Variants in ALLC observed in about 807,000 individuals in gnomAD.
ALLC encodes the protein probable inactive allantoicase.
ALLC carries 40 observed loss-of-function variants against 45.0 expected under a neutral mutation model. The observed-to-expected ratio is 0.89, with a 90% CI of 0.69 to 1.16. The LOEUF (loss-of-function observed/expected upper bound fraction) is 1.16, where lower values mean the gene tolerates loss of function less well. Among genes scored for constraint, ALLC ranks in the 50% most tolerant of loss-of-function variants. ALLC has a pLI of 0.00. For missense variants in ALLC, 488 were observed against 493.1 expected, an observed-to-expected ratio of 0.99 and a Z score of 0.10; for synonymous variants, 176 against 178.1, an observed-to-expected ratio of 0.99 and a Z score of 0.09.
At chr2:3,658,530 G>C (rs1666495218) in intron 1 of ALLC, among the ~76,000 whole-genome samples, 2 of 152,070 alleles carry the variant, frequency 1.3e-5, no homozygotes, top group Admixed American at 1.3e-4. Flanking sequence ...TCTGGTCACT[G>C]CTCTGTTTGG....
At chr2:3,653,929 C>G (rs949419353), upstream of ALLC, among the ~76,000 whole-genome samples, 2 of 152,170 alleles carry the variant, frequency 1.3e-5, no homozygotes, top group South Asian at 4.1e-4. The surrounding 1 kb of genome is among the most constrained non-coding windows in gnomAD (Gnocchi z 4.1). Context: ...AACGAATTAT[C>G]CCACGATTAA....
chr2:3,649,247 T>C, the ALLC span, among the ~76,000 whole-genome samples: 1 of 151,502 alleles, frequency 6.6e-6, no homozygotes, highest in Non-Finnish European at 1.5e-5. Context: ...ACACTTCTTT[T>C]TTTTTTTTTT....
chr2:3,686,696 G>A (rs1398677714), intron 7 of ALLC, among the ~76,000 whole-genome samples: 3 of 150,784 alleles, frequency 2.0e-5, no homozygotes, highest in Non-Finnish European at 4.4e-5. Flanking sequence ...TATAGTTTTT[G>A]TAGCTATTGT....
the ALLC span, among the ~76,000 whole-genome samples, chr2:3,649,530 C>T: frequency 3.8e-4 from 58 of 152,354 alleles, no homozygotes; most frequent in African/African-American, 1.2e-3. Context: ...CGTGAGCCAC[C>T]GCGCCCGGCC....
chr2:3,683,100 A>C lies in ALLC; in HGVS notation c.511+26A>C, dbSNP rs1164829781. On this transcript the variant is annotated intron_variant, in intron 7 of 11. Coordinates refer to ENST00000252505, the MANE Select transcript of ALLC (RefSeq NM_018436.4). ...GTAATCGTGACATGGACTTATCACC[A>C]GTTCCATGGCTTCTTTATTTTATGT... is the stretch of plus-strand genomic sequence containing the variant. The C allele has an allele frequency of 1.9e-6, 3 of 1,596,022 alleles. No homozygotes were observed. The African/African-American group carries it at 4.1e-5, about 22-fold the overall frequency.
chr2:3,653,666 G>A (rs1396729074), upstream of ALLC, among the ~76,000 whole-genome samples: 1 of 152,116 alleles, frequency 6.6e-6, no homozygotes, highest in East Asian at 1.9e-4. This position sits in a 1 kb window ranked among gnomAD's most constrained non-coding sequence, Gnocchi z 4.1. Flanking sequence ...GGTGCTGCCA[G>A]ACCACACCGA....
chr2:3,688,431 C>T lies in ALLC; in HGVS notation c.511+5357C>T, dbSNP rs530830873. On this transcript the variant is annotated intron_variant, in intron 7 of 11. Transcript: ENST00000252505. ...TCCAAGAAGGGGCACCCATGGTCTT[C>T]GGAGTGGTAGTGATTGCATAGGCTG... 3.0e-4 allele frequency: 53 copies of T among 177,334 alleles called. 4 individuals carry two copies. The highest frequency in any genetic ancestry group is 1.2e-4 in the African/African-American group (5 of 41,642). 11.0% of individuals were successfully genotyped at this position (177,334 alleles called of 1,614,324 possible).
the ALLC span, among the ~76,000 whole-genome samples, chr2:3,651,065 A>G: frequency 2.0e-5 from 3 of 152,166 alleles, no homozygotes; most frequent in African/African-American, 7.2e-5. Context: ...GCATTGAGGC[A>G]TGACCGGAGA....
Position 3,702,348 on chromosome 2 carries a change from C to A in ALLC, c.976-15C>A, listed in dbSNP as rs769063058. ...TGTTAACAGACTAGGACCTCTGCAT[C>A]TGCTTGCTTTTCAGTTGTCTCCCAA... On this transcript the variant is annotated splice_polypyrimidine_tract_variant and intron_variant, in intron 11 of 11. Transcript: ENST00000252505. 6.2e-7 allele frequency: 1 copy of A among 1,611,452 alleles called. No homozygotes were observed. The highest frequency in any genetic ancestry group is 1.7e-4 in the Middle Eastern group (1 of 6,058).
At chr2:3,684,564 A>AC (rs1224864269) in intron 7 of ALLC, among the ~76,000 whole-genome samples, 2 of 151,312 alleles carry the variant, frequency 1.3e-5, no homozygotes, top group Non-Finnish European at 2.9e-5. Flanking sequence ...GTTATCCCTC[A>AC]CCCCCCACCC....
chr2:3,702,651 A>G lies in ALLC; in HGVS notation c.*88A>G, dbSNP rs564142411. On this transcript the variant is annotated 3_prime_UTR_variant, in exon 12 of 12. Coordinates refer to ENST00000252505, the MANE Select transcript of ALLC (RefSeq NM_018436.4). ...AATGTTTTGAACACCTGGTGATTTA[A>G]TAAAGTGGTCGTCTCACAAATTGAT... 4 of 1,354,910 alleles carry G rather than the reference A, an allele frequency of 3.0e-6. No individual in the cohort carries two copies. The highest frequency in any genetic ancestry group is 3.9e-6 in the Non-Finnish European group (4 of 1,014,938). The allele number at this position is 1,354,910 out of a possible 1,614,324, so 83.9% of individuals were successfully genotyped here. A position where few individuals can be genotyped will look rare whatever the true frequency, so the allele number is the denominator to read the frequency against.
chr2:3,652,005 A>AT, the ALLC span, among the ~76,000 whole-genome samples: 5 of 152,212 alleles, frequency 3.3e-5, no homozygotes, highest in Non-Finnish European at 5.9e-5. Flanking sequence ...GTTCGGAACC[A>AT]AGAACCACAC....
the ALLC span, among the ~76,000 whole-genome samples, chr2:3,646,982 T>G: frequency 6.6e-6 from 1 of 152,100 alleles, no homozygotes. Flanking sequence ...AAGTCCTCAG[T>G]GGTCCCCACT....
At chr2:3,671,638 CCTGGCTCTATTTAGATCCGAGGTCCT>C (rs1558537115) in intron 2 of ALLC, among the ~76,000 whole-genome samples, 28 of 68,700 alleles carry the variant, frequency 4.1e-4, no homozygotes, top group South Asian at 9.4e-4. Context: ...TGGGAGGTCC[CCTGGCTCTATTTAGATCCGAGGTCCT>C]CTGGCTCTAT....
chr2:3,656,583 C>T (rs1313494015), upstream of ALLC, among the ~76,000 whole-genome samples: 7 of 151,128 alleles, frequency 4.6e-5, no homozygotes, highest in South Asian at 1.0e-3. Flanking sequence ...GTGGCTGCCA[C>T]GTCGGATGGG....
intron 10 of ALLC, among the ~76,000 whole-genome samples, chr2:3,698,329 A>G (rs1347365413): frequency 1.3e-5 from 2 of 152,192 alleles, no homozygotes; most frequent in African/African-American, 4.8e-5. Flanking sequence ...CCAAAGTCAC[A>G]CAAGATTCCA....
intron 5 of ALLC, among the ~76,000 whole-genome samples, chr2:3,681,382 C>A (rs1235470082): frequency 6.6e-6 from 1 of 152,090 alleles, no homozygotes; most frequent in Non-Finnish European, 1.5e-5. Context: ...TTTGAGCTAA[C>A]TTGGAGATGA....
chr2:3,681,813 C>T, intron 6 of ALLC, 100 bp downstream of exon 6: 1 of 928,350 alleles, frequency 1.1e-6, no homozygotes, highest in East Asian at 2.8e-5. Flanking sequence ...CTTTGGGACG[C>T]CCAGCCCTGA....
intron 10 of ALLC, among the ~76,000 whole-genome samples, chr2:3,700,313 A>G (rs1667791109): frequency 6.6e-6 from 1 of 152,090 alleles, no homozygotes; most frequent in Non-Finnish European, 1.5e-5. Context: ...TTATGTGGCC[A>G]TGGTTTTTAC....
Sources: gnomAD v4.1 joint callset for allele counts (sites outside exome capture counted in the v4.1 genomes callset) on GRCh38, gnomAD v4.1.1 for gene constraint, Gnocchi (gnomAD v3.1) non-coding constraint, MANE v1.5 for transcripts, NCBI Gene and HGNC (gene_info 2026-07-23, HGNC 2026-07-21) for gene names.